The following RRAGD variants were observed in gnomAD, a reference collection of about 807,000 sequenced individuals.
RRAGD encodes Ras related GTP binding D, also known as ras-related GTP-binding protein D.
A neutral mutation model predicts 35.5 loss-of-function variants in RRAGD; 12 were observed. The ratio of observed to expected loss-of-function variants is 0.34; its 90% confidence interval spans 0.22 to 0.55. The LOEUF (loss-of-function observed/expected upper bound fraction) is 0.55. Among genes scored for constraint, RRAGD ranks in the 20% least tolerant of loss-of-function variants. The pLI is 0.91. For synonymous variants in RRAGD, 155 were observed against 178.9 expected (o/e 0.87, Z 1.07); for missense variants, 324 against 490.1 (o/e 0.66, Z 3.20).
At chr6:89,407,036 G>A (rs767541548) in intron 1 of RRAGD, among the ~76,000 whole-genome samples, 6 of 152,180 alleles carry the variant, frequency 3.9e-5, no homozygotes, top group Non-Finnish European at 7.4e-5. Flanking sequence ...AAAAGGGAAA[G>A]GTATTCTTAC....
At position 89,411,771 on chromosome 6, in the gene RRAGD, G is replaced by C. The variant is rs939139327; in HGVS notation, c.148+75C>G. On this transcript the variant is annotated intron_variant, in intron 1 of 6. Transcript: ENST00000369415. This position sits in a 1 kb window ranked among gnomAD's most constrained non-coding sequence, Gnocchi z 5.6. ...CCCTCCAAGTCGGTGGCTCGCGCACGGCCGGGCTGGGGGCGGGAAGGCGCC... is the reference window on the plus strand; with the variant it reads ...CCCTCCAAGTCGGTGGCTCGCGCACCGCCGGGCTGGGGGCGGGAAGGCGCC... 1.4e-6 allele frequency: 2 copies of C among 1,461,520 alleles called. No individual in the cohort carries two copies. Among genetic ancestry groups the C allele is most frequent in the East Asian group, 2.7e-5 (1 of 37,076 alleles). The allele number at this position is 1,461,520 out of a possible 1,614,324, so 90.5% of individuals were successfully genotyped here.
intron 1 of RRAGD, among the ~76,000 whole-genome samples, chr6:89,405,569 A>G (rs569068422): frequency 8.6e-5 from 13 of 151,954 alleles, no homozygotes; most frequent in Non-Finnish European, 1.6e-4. Context: ...CAGGCACACA[A>G]GGACACACGC....
chr6:89,391,502 C>T (rs1225711076), intron 1 of RRAGD, among the ~76,000 whole-genome samples: 1 of 152,012 alleles, frequency 6.6e-6, no homozygotes, highest in Non-Finnish European at 1.5e-5. Flanking sequence ...AGAACAGACA[C>T]AAAATGTTAT....
intron 4 of RRAGD, 78 bp from the exon 5 acceptor site, chr6:89,377,891 C>A: frequency 9.7e-7 from 1 of 1,028,814 alleles, no homozygotes. Context: ...AATTGAATGC[C>A]ATTCTTAATG....
chr6:89,376,264 A>G (rs1768937666), intron 5 of RRAGD, among the ~76,000 whole-genome samples: 1 of 151,802 alleles, frequency 6.6e-6, no homozygotes, highest in Admixed American at 6.6e-5. Flanking sequence ...TTCATCCTCA[A>G]TACAATCTTG....
chr6:89,370,641 G>T (rs1022802804), intron 6 of RRAGD, among the ~76,000 whole-genome samples: 4 of 152,056 alleles, frequency 2.6e-5, no homozygotes, highest in Non-Finnish European at 5.9e-5. Flanking sequence ...AGGTCATAAT[G>T]ATATTATTTA....
chr6:89,380,191 A>G lies in RRAGD; in HGVS notation c.621T>C (p.Ala207=). 1 of 1,614,118 alleles carries G rather than the reference A, an allele frequency of 6.2e-7. No individual in the cohort carries two copies. The highest frequency in any genetic ancestry group is 2.2e-5 in the East Asian group (1 of 44,902). The part of the protein sequence containing the change: ...HQRANDDLAD[A]GLEKIHLSFY... The stretch of plus-strand genomic sequence containing the variant: ...ACCTGAGGTGAATTTTTTCTAATCC[A>G]GCATCTGCAAGGTCATCGTTTGCCC... The change falls in exon 3 of 7, where the codon GCT becomes GCC. Residue 207 remains alanine (A), a synonymous_variant. Transcript: ENST00000369415.
At position 89,366,151 on chromosome 6, in the gene RRAGD, A is replaced by G. The variant is rs1011270399; in HGVS notation, c.*1905T>C. ...AAACCTTAAACACCAACCAGATATCATCTTAAATTCAGTTACCAGCTTCAA... is the reference window on the plus strand; with the variant it reads ...AAACCTTAAACACCAACCAGATATCGTCTTAAATTCAGTTACCAGCTTCAA... On this transcript the variant is annotated 3_prime_UTR_variant, in exon 7 of 7. Transcript: ENST00000369415. 1 of 152,228 alleles carries G rather than the reference A, an allele frequency of 6.6e-6. No individual in the cohort carries two copies. The highest frequency in any genetic ancestry group is 1.5e-5 in the Non-Finnish European group (1 of 68,066). The allele number at this position is 152,228 out of a possible 1,614,324, so 9.4% of individuals were successfully genotyped here.
chr6:89,393,149 T>C (rs1277784831), intron 1 of RRAGD, among the ~76,000 whole-genome samples: 2 of 152,152 alleles, frequency 1.3e-5, no homozygotes. Context: ...ATAATAGAAA[T>C]GTTGTGCATA....
intron 1 of RRAGD, among the ~76,000 whole-genome samples, chr6:89,402,723 G>T (rs1253623515): frequency 7.9e-5 from 12 of 152,306 alleles, no homozygotes. Flanking sequence ...GCCTCAGAAG[G>T]GAGGTAAAAA....
intron 1 of RRAGD, among the ~76,000 whole-genome samples, chr6:89,403,051 A>T (rs1769503433): frequency 6.6e-6 from 1 of 152,192 alleles, no homozygotes; most frequent in South Asian, 2.1e-4. Context: ...AGCTCTAGGG[A>T]TCTGATATAC....
At chr6:89,401,692 C>T (rs1233443166) in intron 1 of RRAGD, among the ~76,000 whole-genome samples, 1 of 152,180 alleles carries the variant, frequency 6.6e-6, no homozygotes, top group Admixed American at 6.5e-5. Context: ...TCTCACTTTG[C>T]TCTTCCCTCC....
intron 1 of RRAGD, among the ~76,000 whole-genome samples, chr6:89,396,412 T>C (rs1215044407): frequency 1.6e-5 from 2 of 121,984 alleles, no homozygotes; most frequent in African/African-American, 6.8e-5. Flanking sequence ...AAGAAATGAC[T>C]CAATTTTATT....
intron 1 of RRAGD, among the ~76,000 whole-genome samples, chr6:89,396,283 C>T (rs1769329125): frequency 6.6e-6 from 1 of 151,936 alleles, no homozygotes; most frequent in Non-Finnish European, 1.5e-5. Flanking sequence ...AGAAAAACAT[C>T]AAATGACATT....
intron 2 of RRAGD, among the ~76,000 whole-genome samples, chr6:89,386,938 C>G (rs571453524): frequency 3.9e-5 from 6 of 152,168 alleles, no homozygotes; most frequent in African/African-American, 9.6e-5. Flanking sequence ...AAATAATAAA[C>G]AGTTTAAAAT....
At chr6:89,373,545 G>A (rs1768886682) in intron 5 of RRAGD, among the ~76,000 whole-genome samples, 1 of 151,196 alleles carries the variant, frequency 6.6e-6, no homozygotes, top group Non-Finnish European at 1.5e-5. Context: ...TTGAACCCAG[G>A]AGGCAGACGT....
intron 2 of RRAGD, among the ~76,000 whole-genome samples, chr6:89,386,872 TATA>T (rs1466057196): frequency 1.1e-4 from 16 of 152,178 alleles, no homozygotes; most frequent in Admixed American, 2.0e-4. Context: ...AAGCAATAAT[TATA>T]ATAATTTATT....
intron 2 of RRAGD, among the ~76,000 whole-genome samples, chr6:89,381,990 G>A (rs1353136085): frequency 1.3e-5 from 2 of 151,504 alleles, no homozygotes; most frequent in East Asian, 3.9e-4. Context: ...CCAATTTGAA[G>A]GGTGTGAACA....
chr6:89,389,951 T>C (rs1769201488), intron 1 of RRAGD, among the ~76,000 whole-genome samples: 1 of 152,178 alleles, frequency 6.6e-6, no homozygotes, highest in African/African-American at 2.4e-5. Flanking sequence ...ATTCAGCAAA[T>C]GGTGCTGGGC....
Sources: allele counts gnomAD v4.1 joint callset (sites outside exome capture counted in the v4.1 genomes callset), GRCh38; gene constraint gnomAD v4.1.1; non-coding constraint Gnocchi (gnomAD v3.1); transcripts MANE v1.5; gene names NCBI Gene and HGNC (gene_info 2026-07-23, HGNC 2026-07-21).